The following DYNC1I1 variants were observed in gnomAD, a reference collection of about 807,000 sequenced individuals.
The protein encoded by DYNC1I1 is cytoplasmic dynein 1 intermediate chain 1.
DYNC1I1 carries 43 observed loss-of-function variants against 86.6 expected under a neutral mutation model. The ratio of observed to expected loss-of-function variants is 0.50; its 90% confidence interval spans 0.39 to 0.64. The LOEUF (loss-of-function observed/expected upper bound fraction) is 0.64, where lower values mean the gene tolerates loss of function less well. Ranked by LOEUF, DYNC1I1 falls within the 30% of genes least tolerant of loss-of-function variation. The pLI is 0.00. For synonymous variants in DYNC1I1, 262 were observed against 283.7 expected (o/e 0.92, Z 0.77); for missense variants, 604 against 788.8 (o/e 0.77, Z 2.81).
intron 7 of DYNC1I1, among the ~76,000 whole-genome samples, chr7:95,979,441 T>C (rs1488517): frequency 0.28 from 43,127 of 152,142 alleles, 6,361 homozygotes; most frequent in African/African-American, 0.32. Context: ...TAAATTATCA[T>C]TAGTAGTCTT....
intron 6 of DYNC1I1, among the ~76,000 whole-genome samples, chr7:95,937,268 C>T (rs1274772355): frequency 6.8e-6 from 1 of 146,780 alleles, no homozygotes; most frequent in Non-Finnish European, 1.5e-5. Flanking sequence ...TATAGTTAAC[C>T]ATAGTATATT....
chr7:95,954,015 C>T (rs1025168712), intron 6 of DYNC1I1, among the ~76,000 whole-genome samples: 5 of 152,088 alleles, frequency 3.3e-5, no homozygotes, highest in Non-Finnish European at 5.9e-5. Context: ...CCATGCTCTC[C>T]GGTCGTCATT....
chr7:95,794,012 A>G (rs1329039894), intron 1 of DYNC1I1, among the ~76,000 whole-genome samples: 8 of 152,222 alleles, frequency 5.3e-5, no homozygotes, highest in Admixed American at 5.2e-4. Context: ...TTCCTGTTAT[A>G]TAAAGTGCAG....
At chr7:95,775,491 G>T (rs1253926012) in intron 1 of DYNC1I1, among the ~76,000 whole-genome samples, 1 of 152,334 alleles carries the variant, frequency 6.6e-6, no homozygotes, top group East Asian at 1.9e-4. Flanking sequence ...CTATTGTGCT[G>T]TGTGAGAGAC....
intron 10 of DYNC1I1, among the ~76,000 whole-genome samples, chr7:95,999,074 G>A (rs888759932): frequency 2.6e-5 from 4 of 152,200 alleles, no homozygotes; most frequent in African/African-American, 9.6e-5. Flanking sequence ...GTCTGTACTT[G>A]GAAAATATTG....
intron 9 of DYNC1I1, among the ~76,000 whole-genome samples, chr7:95,995,572 C>T (rs1793845968): frequency 6.6e-6 from 1 of 152,012 alleles, no homozygotes; most frequent in Admixed American, 6.6e-5. Context: ...GAATAGCCCT[C>T]CTTGGAATTT....
intron 1 of DYNC1I1, among the ~76,000 whole-genome samples, chr7:95,775,936 C>A (rs962369404): frequency 6.6e-6 from 1 of 152,154 alleles, no homozygotes; most frequent in African/African-American, 2.4e-5. Context: ...AAACCCTTGA[C>A]GAGGTCCATG....
At position 95,897,349 on chromosome 7, in the gene DYNC1I1, T is replaced by C. The variant is rs896717150; in HGVS notation, c.490+27351T>C. On this transcript the variant is annotated intron_variant, in intron 6 of 16. Transcript: ENST00000447467. ...CTCTGAGTTAAAACTCTTTTGAAGG[T>C]AGGGCCTGTTTGATACACCATATAG... Among the ~76,000 whole-genome samples the C allele has an allele frequency of 2.0e-5, 3 of 152,154 alleles. No homozygotes were observed. The East Asian group carries it at 5.8e-4, about 29-fold the overall frequency.
chr7:96,099,523 A>G (rs1382458411), downstream of DYNC1I1, among the ~76,000 whole-genome samples: 1 of 152,196 alleles, frequency 6.6e-6, no homozygotes, highest in Non-Finnish European at 1.5e-5. Flanking sequence ...TATTTCTCAC[A>G]GTTCTGAAAG....
intron 5 of DYNC1I1, among the ~76,000 whole-genome samples, chr7:95,867,439 T>C (rs1790042782): frequency 6.6e-6 from 1 of 152,118 alleles, no homozygotes; most frequent in South Asian, 2.1e-4. Flanking sequence ...CCCCTACCAT[T>C]CAGCTGTATG....
At chr7:96,091,095 C>T (rs1048614923) in intron 16 of DYNC1I1, among the ~76,000 whole-genome samples, 5 of 152,136 alleles carry the variant, frequency 3.3e-5, no homozygotes, top group African/African-American at 1.2e-4. Flanking sequence ...TGAACACAGA[C>T]ATGTATTTGT....
intron 6 of DYNC1I1, among the ~76,000 whole-genome samples, chr7:95,962,090 T>A (rs533031933): frequency 6.6e-6 from 1 of 152,312 alleles, no homozygotes; most frequent in South Asian, 2.1e-4. Context: ...ATTCACTATG[T>A]TTATTGGCCT....
At chr7:95,832,975 T>G (rs1176451291) in intron 5 of DYNC1I1, among the ~76,000 whole-genome samples, 1 of 151,432 alleles carries the variant, frequency 6.6e-6, no homozygotes, top group African/African-American at 2.4e-5. Flanking sequence ...TTAGTTTAAT[T>G]AGATCCCATT....
intron 6 of DYNC1I1, among the ~76,000 whole-genome samples, chr7:95,969,215 TC>T (rs761724761): frequency 2.5e-4 from 38 of 152,310 alleles, no homozygotes; most frequent in Admixed American, 1.7e-3. Context: ...TCCATGACTT[TC>T]TGAGAAATCT....
At chr7:95,833,623 G>C (rs1323714254) in intron 5 of DYNC1I1, among the ~76,000 whole-genome samples, 3 of 148,956 alleles carry the variant, frequency 2.0e-5, no homozygotes, top group Non-Finnish European at 3.0e-5. Flanking sequence ...TCTTCCATTT[G>C]TTTGTATCCT....
chr7:96,001,246 A>T (rs570431767), intron 10 of DYNC1I1, among the ~76,000 whole-genome samples: 1 of 152,066 alleles, frequency 6.6e-6, no homozygotes, highest in Non-Finnish European at 1.5e-5. Context: ...TGAGAGCCAG[A>T]TTGCAATATG....
intron 16 of DYNC1I1, among the ~76,000 whole-genome samples, chr7:96,109,643 T>C (rs1791279610): frequency 6.6e-6 from 1 of 152,176 alleles, no homozygotes; most frequent in African/African-American, 2.4e-5. Flanking sequence ...TTATTTTCCC[T>C]ATAGGTTGTA....
chr7:95,921,994 C>T (rs1323293529), intron 6 of DYNC1I1, among the ~76,000 whole-genome samples: 1 of 152,138 alleles, frequency 6.6e-6, no homozygotes, highest in Non-Finnish European at 1.5e-5. Context: ...TTAACTAGAA[C>T]ACACTTGAAT....
chr7:96,072,490 A>G (rs1790199573), intron 14 of DYNC1I1, among the ~76,000 whole-genome samples: 1 of 152,224 alleles, frequency 6.6e-6, no homozygotes, highest in Non-Finnish European at 1.5e-5. Context: ...TTGCTGTGGA[A>G]CAATATTTCA....
Sources: gnomAD v4.1 joint callset for allele counts (sites outside exome capture counted in the v4.1 genomes callset) on GRCh38, gnomAD v4.1.1 for gene constraint, MANE v1.5 for transcripts, NCBI Gene and HGNC (gene_info 2026-07-23, HGNC 2026-07-21) for gene names.